Variants in STK31 observed in about 807,000 individuals in gnomAD.
STK31 encodes the protein serine/threonine-protein kinase 31.
In STK31, 89 loss-of-function variants were observed where a neutral mutation model predicts 129.7. The observed-to-expected ratio is 0.69, with a 90% CI of 0.58 to 0.82. The LOEUF is 0.82. Ranked by LOEUF, STK31 falls within the 40% of genes least tolerant of loss-of-function variation. The pLI is 0.00. For synonymous variants in STK31, 448 were observed against 395.3 expected (o/e 1.13, Z -1.58); for missense variants, 1,187 against 1,176.4 (o/e 1.01, Z -0.13).
chr7:23,754,097 T>A (rs1482085993), intron 9 of STK31, among the ~76,000 whole-genome samples: 2 of 152,200 alleles, frequency 1.3e-5, no homozygotes, highest in African/African-American at 4.8e-5. Context: ...AGTTGTTTTT[T>A]AATTAAAAGT....
intron 23 of STK31, among the ~76,000 whole-genome samples, chr7:23,826,299 A>G (rs1003853214): frequency 7.9e-5 from 12 of 152,256 alleles, no homozygotes; most frequent in African/African-American, 2.4e-4. Context: ...GGGTGCATAT[A>G]TATTTAGGAT....
chr7:23,717,546 C>A lies in STK31; in HGVS notation c.216C>A (p.Ala72=), dbSNP rs752323769. Residue 72 remains alanine, a synonymous_variant, in exon 4 of 24, where the codon GCC becomes GCA. Transcript: ENST00000355870. ...GCSLSEVCPQ[A]SSVLGNLDPN... ...CACTGTCTGAAGTTTGCCCCCAGGC[C>A]AGTTCAGTTTTGGGGAATCTTGACC... is the stretch of plus-strand genomic sequence containing the variant. 6.2e-7 allele frequency: 1 copy of A among 1,612,882 alleles called. No homozygotes were observed. Among genetic ancestry groups the A allele is most frequent in the South Asian group, 1.1e-5 (1 of 90,978 alleles).
At chr7:23,710,862 T>A in intron 1 of STK31, 2 of 910,696 alleles carry the variant, frequency 2.2e-6, no homozygotes, top group Non-Finnish European at 2.6e-6. Context: ...TAACTTTTAC[T>A]GAATTTAAGC....
In STK31 at chr7:23,712,259, A is replaced by T; in HGVS notation, c.123A>T (p.Ile41=). ...TGGAAGATGTGGTTGGAAGTCACAT[A>T]GAAGATGCAGTAACATTTTGGGCCC... ...DKVEDVVGSH[I]EDAVTFWAQS... The change falls in exon 3 of 24, where the codon ATA becomes ATT. Residue 41 remains isoleucine (I), a synonymous_variant. Transcript: ENST00000355870. 8 of 1,614,122 alleles carry T rather than the reference A, an allele frequency of 5.0e-6. No homozygotes were observed. Among genetic ancestry groups the T allele is most frequent in the Non-Finnish European group, 6.8e-6 (8 of 1,179,982 alleles).
In STK31 at chr7:23,727,144, T is replaced by C. The variant is rs1584337238; in HGVS notation, c.250-97T>C. On this transcript the variant is annotated intron_variant, in intron 4 of 23. Transcript: ENST00000355870. The stretch of plus-strand genomic sequence containing the variant: ...TTAAATGAGTTATATATAAAGTACT[T>C]ATTGACATATAGGAAGAGCTTAAAT... 8 of 915,740 alleles carry C rather than the reference T, an allele frequency of 8.7e-6. No individual in the cohort carries two copies. In the East Asian group the frequency reaches 2.1e-4, roughly 24 times the overall value. The allele number at this position is 915,740 out of a possible 1,614,324, so 56.7% of individuals were successfully genotyped here.
chr7:23,776,955 A>G (rs1490123989), intron 15 of STK31, among the ~76,000 whole-genome samples: 2 of 152,154 alleles, frequency 1.3e-5, no homozygotes, highest in Non-Finnish European at 2.9e-5. Flanking sequence ...ACCTGTGGGC[A>G]TTTAGTGCTA....
At chr7:23,823,419 C>T (rs1251403091) in intron 23 of STK31, among the ~76,000 whole-genome samples, 5 of 152,066 alleles carry the variant, frequency 3.3e-5, no homozygotes, top group Non-Finnish European at 7.4e-5. Flanking sequence ...CTGTTCATAT[C>T]CTTCATCCAC....
chr7:23,730,878 A>ATATATATATATTTTTTTTTTTTTT, intron 6 of STK31, among the ~76,000 whole-genome samples: 1 of 59,554 alleles, frequency 1.7e-5, no homozygotes, highest in Non-Finnish European at 3.3e-5. Flanking sequence ...ATATATATAT[A>ATATATATATATTTTTTTTTTTTTT]TTTTTTTTTT....
At chr7:23,767,829 T>TG (rs1789926765) in intron 11 of STK31, among the ~76,000 whole-genome samples, 1 of 152,196 alleles carries the variant, frequency 6.6e-6, no homozygotes, top group African/African-American at 2.4e-5. Context: ...TGTAGGGACT[T>TG]TGTTAATTCA....
chr7:23,824,752 AT>A (rs1794014150), intron 23 of STK31, among the ~76,000 whole-genome samples: 1 of 152,132 alleles, frequency 6.6e-6, no homozygotes, highest in East Asian at 1.9e-4. Flanking sequence ...GATACCTCTT[AT>A]TATTTTAAGA....
At chr7:23,783,489 T>G in intron 16 of STK31, 94 bp from the exon 17 acceptor site, 4 of 849,746 alleles carry the variant, frequency 4.7e-6, no homozygotes, top group Non-Finnish European at 7.3e-6. Flanking sequence ...GGATATGTTA[T>G]AAGGTAGATG....
rs35545265 is a variant in STK31 at position 23,752,783 on chromosome 7, A to T, written c.1084A>T (p.Thr362Ser). ...LEYTLKTYID[T>S]RMKNLAAKME... ...ATACACTCTGAAGACCTATATAGAT[A>T]CCAGAATGAAAAATCTGGCAGCTAA... is the stretch of plus-strand genomic sequence containing the variant. The change falls in exon 9 of 24, where the codon ACC (threonine) becomes TCC (serine). Residue 362 changes from threonine (T) to serine (S), a missense_variant. Thr to Ser is a moderately conservative substitution (Grantham distance 58). Around this residue, in one of 5 missense-constraint regions of STK31, gnomAD observed 975 missense variants for 934.9 expected, o/e 1.04. Coordinates refer to ENST00000355870, the MANE Select transcript of STK31 (RefSeq NM_031414.5). 1 of 1,613,492 alleles carries T rather than the reference A, an allele frequency of 6.2e-7. No individual in the cohort carries two copies. The highest frequency in any genetic ancestry group is 1.1e-5 in the South Asian group (1 of 90,816).
chr7:23,768,193 T>C (rs1789950119), intron 11 of STK31, among the ~76,000 whole-genome samples: 1 of 152,180 alleles, frequency 6.6e-6, no homozygotes, highest in South Asian at 2.1e-4. Flanking sequence ...TTTTCTGTGT[T>C]TACATAGGCA....
chr7:23,727,553 GTTC>G, intron 5 of STK31: 31 of 181,378 alleles, frequency 1.7e-4, no homozygotes, highest in South Asian at 6.9e-4. Flanking sequence ...TTTTACCTCA[GTTC>G]TTTTTTTTTT....
At chr7:23,762,750 C>A in intron 10 of STK31, 51 bp from the exon 11 acceptor site, 1 of 1,587,586 alleles carries the variant, frequency 6.3e-7, no homozygotes, top group Non-Finnish European at 8.5e-7. Flanking sequence ...AGGTCATATG[C>A]GGAAAAGACC....
chr7:23,785,711 T>A, intron 18 of STK31, 108 bp downstream of exon 18: 1 of 1,382,492 alleles, frequency 7.2e-7, no homozygotes, highest in Non-Finnish European at 9.6e-7. Flanking sequence ...CTAAAGTGTA[T>A]AAGTTGACTG....
At chr7:23,757,627 A>G (rs1411724634) in intron 10 of STK31, among the ~76,000 whole-genome samples, 1 of 152,080 alleles carries the variant, frequency 6.6e-6, no homozygotes, top group Admixed American at 6.5e-5. Flanking sequence ...GTCTCAGTAG[A>G]TAGAACATAC....
intron 17 of STK31, among the ~76,000 whole-genome samples, chr7:23,784,501 A>G (rs1397176691): frequency 6.6e-6 from 1 of 152,176 alleles, no homozygotes; most frequent in Non-Finnish European, 1.5e-5. Context: ...GTACTGCCAC[A>G]TGGGACTTGA....
At chr7:23,771,501 C>T (rs1562588886) in intron 14 of STK31, 2 of 154,582 alleles carry the variant, frequency 1.3e-5, no homozygotes, top group African/African-American at 2.4e-5. Flanking sequence ...TATATATATG[C>T]ATTGCATTGT....
Sources: allele counts gnomAD v4.1 joint callset (sites outside exome capture counted in the v4.1 genomes callset), GRCh38; gene constraint gnomAD v4.1.1; regional missense constraint gnomAD v4.1.1; transcripts MANE v1.5; gene names NCBI Gene and HGNC (gene_info 2026-07-23, HGNC 2026-07-21).